Variants in DAAM1 observed in about 807,000 individuals in gnomAD.
DAAM1 encodes dishevelled associated activator of morphogenesis 1, also known as disheveled-associated activator of morphogenesis 1.
DAAM1 carries 52 observed loss-of-function variants against 130.0 expected under a neutral mutation model. That is an observed-to-expected ratio of 0.40 (90% CI 0.32 to 0.50). The LOEUF (loss-of-function observed/expected upper bound fraction) is 0.50. Ranked by LOEUF, DAAM1 falls within the 20% of genes least tolerant of loss-of-function variation. DAAM1 has a pLI of 0.61. For missense variants in DAAM1, 1,134 were observed against 1,303.8 expected (o/e 0.87, Z 2.01); for synonymous variants, 452 against 444.5 (o/e 1.02, Z -0.21).
At position 59,331,401 on chromosome 14, in the gene DAAM1, G is replaced by A; in HGVS notation, c.1753G>A (p.Ala585Thr). 6.2e-7 allele frequency: 1 copy of A among 1,613,694 alleles called. No individual in the cohort carries two copies. Among genetic ancestry groups the A allele is most frequent in the Non-Finnish European group, 8.5e-7 (1 of 1,179,982 alleles). ...TCCCCCAGGGCCTCCTCCCTTAGGG[G>A]CAATCATGCCACCTCCTGGTGCTCC... ...PPPPGPPPLG[A>T]IMPPPGAPMG... Residue 585 changes from alanine (A) to threonine (T), a missense_variant, in exon 14 of 25, where the codon GCA becomes ACA. Coordinates refer to ENST00000360909, the MANE Select transcript of DAAM1 (RefSeq NM_001270520.2).
intron 3 of DAAM1, among the ~76,000 whole-genome samples, chr14:59,294,761 T>C (rs1594805522): frequency 6.6e-6 from 1 of 152,210 alleles, no homozygotes; most frequent in South Asian, 2.1e-4. Context: ...TAACAATCTC[T>C]TGGATTTTAA....
At chr14:59,308,953 G>A (rs990416558) in intron 3 of DAAM1, among the ~76,000 whole-genome samples, 6 of 152,110 alleles carry the variant, frequency 3.9e-5, no homozygotes, top group Non-Finnish European at 7.4e-5. Flanking sequence ...TATAATTGTG[G>A]CAGTGGCCAA....
At chr14:59,193,995 T>C (rs187934793) in intron 1 of DAAM1, among the ~76,000 whole-genome samples, 1 of 152,362 alleles carries the variant, frequency 6.6e-6, no homozygotes, top group East Asian at 1.9e-4. Context: ...TTATACAAGA[T>C]AGATACTTTT....
intron 2 of DAAM1, among the ~76,000 whole-genome samples, chr14:59,277,454 C>T (rs1448885283): frequency 6.6e-6 from 1 of 151,720 alleles, no homozygotes; most frequent in Non-Finnish European, 1.5e-5. Context: ...GGGCTTCCCT[C>T]AGAGGTCCTT....
intron 12 of DAAM1, among the ~76,000 whole-genome samples, chr14:59,328,992 G>A (rs768830430): frequency 9.7e-4 from 148 of 152,208 alleles, no homozygotes; most frequent in Non-Finnish European, 4.0e-4. Flanking sequence ...GACCTAAAAT[G>A]TAGAGAATAT....
intron 11 of DAAM1, 77 bp from the exon 12 acceptor site, chr14:59,326,856 T>G: frequency 1.3e-6 from 2 of 1,586,518 alleles, no homozygotes; most frequent in Non-Finnish European, 1.7e-6. Flanking sequence ...TAGACTATTT[T>G]TGTACCTGGG....
At chr14:59,244,627 G>A (rs1403681153) in intron 1 of DAAM1, among the ~76,000 whole-genome samples, 2 of 152,160 alleles carry the variant, frequency 1.3e-5, no homozygotes, top group African/African-American at 2.4e-5. Flanking sequence ...TGTGAATCTG[G>A]GAGTGTGTGT....
chr14:59,347,584 G>A lies in DAAM1; in HGVS notation c.2121G>A (p.Met707Ile), dbSNP rs1186799752. The change falls in exon 17 of 25, where the codon ATG becomes ATA. Residue 707 changes from methionine to isoleucine, a missense_variant. Coordinates refer to ENST00000360909, the MANE Select transcript of DAAM1 (RefSeq NM_001270520.2). The stretch of plus-strand genomic sequence containing the variant: ...AAATCAAACGGGCAATTCTAACAAT[G>A]GACGAACAGGAAGATCTGCCCAAGG... ...NDEIKRAILTMDEQEDLPKDM... is the reference protein window; with the variant it reads ...NDEIKRAILTIDEQEDLPKDM... The A allele has an allele frequency of 6.2e-7, 1 of 1,613,892 alleles. No homozygotes were observed.
At chr14:59,198,880 C>T (rs960435040) in intron 1 of DAAM1, among the ~76,000 whole-genome samples, 2 of 152,186 alleles carry the variant, frequency 1.3e-5, no homozygotes, top group Non-Finnish European at 2.9e-5. Flanking sequence ...ACTTTCCGGA[C>T]CTCTCTTTCC....
In DAAM1 at chr14:59,191,235, G is replaced by A. The variant is rs537608546; in HGVS notation, c.-38+2467G>A. ...ACACTTACGATCTTATTTTAAGTAG[G>A]TAGCTACATCCCCATGAGGAAACAG... On this transcript the variant is annotated intron_variant, in intron 1 of 24. Coordinates refer to ENST00000360909, the MANE Select transcript of DAAM1 (RefSeq NM_001270520.2). Among the ~76,000 whole-genome samples, 9 of 152,204 alleles carry A rather than the reference G, an allele frequency of 5.9e-5. No individual in the cohort carries two copies. In the South Asian group the frequency reaches 1.9e-3, roughly 32 times the overall value.
intron 12 of DAAM1, among the ~76,000 whole-genome samples, chr14:59,328,997 G>A (rs2139631050): frequency 6.6e-6 from 1 of 152,320 alleles, no homozygotes; most frequent in Admixed American, 6.5e-5. Flanking sequence ...AAAATGTAGA[G>A]AATATTTGGG....
At chr14:59,195,433 G>A (rs929153749) in intron 1 of DAAM1, among the ~76,000 whole-genome samples, 2 of 152,210 alleles carry the variant, frequency 1.3e-5, no homozygotes, top group Non-Finnish European at 2.9e-5. Context: ...GTGAGCCACC[G>A]CGCCTGGCCT....
At chr14:59,213,191 T>C (rs1888479436) in intron 1 of DAAM1, among the ~76,000 whole-genome samples, 1 of 152,050 alleles carries the variant, frequency 6.6e-6, no homozygotes, top group South Asian at 2.1e-4. Context: ...TTTCATATTA[T>C]GTGCCGTGGA....
intron 1 of DAAM1, among the ~76,000 whole-genome samples, chr14:59,216,682 T>TA (rs1888590998): frequency 6.6e-6 from 1 of 151,290 alleles, no homozygotes; most frequent in African/African-American, 2.4e-5. Context: ...ATTGCACCAC[T>TA]ACACTCCAGC....
chr14:59,219,736 T>G (rs1371380231), intron 1 of DAAM1, among the ~76,000 whole-genome samples: 1 of 152,206 alleles, frequency 6.6e-6, no homozygotes, highest in Non-Finnish European at 1.5e-5. Flanking sequence ...ATACTTGATT[T>G]GAACATGAGC....
At chr14:59,289,911 T>C (rs927439033) in intron 2 of DAAM1, among the ~76,000 whole-genome samples, 3 of 151,910 alleles carry the variant, frequency 2.0e-5, no homozygotes, top group African/African-American at 7.3e-5. Context: ...TGTTCTCACT[T>C]ATAAGTAAGA....
At chr14:59,229,305 G>A (rs574791107) in intron 1 of DAAM1, among the ~76,000 whole-genome samples, 3 of 152,296 alleles carry the variant, frequency 2.0e-5, no homozygotes, top group African/African-American at 7.2e-5. Flanking sequence ...ATTTTTGTGA[G>A]TTGTTACCTC....
intron 18 of DAAM1, among the ~76,000 whole-genome samples, chr14:59,353,019 A>G (rs1441837329): frequency 1.3e-5 from 2 of 151,856 alleles, no homozygotes; most frequent in Non-Finnish European, 2.9e-5. Context: ...AAAAAAATAT[A>G]TGGACAGACT....
intron 1 of DAAM1, among the ~76,000 whole-genome samples, chr14:59,195,655 T>A (rs1005042512): frequency 2.6e-5 from 4 of 152,186 alleles, no homozygotes; most frequent in African/African-American, 9.7e-5. Flanking sequence ...TCTGATAGAC[T>A]TCCTGAATTT....
Sources: allele counts gnomAD v4.1 joint callset (sites outside exome capture counted in the v4.1 genomes callset), GRCh38; gene constraint gnomAD v4.1.1; transcripts MANE v1.5; gene names NCBI Gene and HGNC (gene_info 2026-07-23, HGNC 2026-07-21).